The following GPHN variants were observed in gnomAD, a reference collection of about 807,000 sequenced individuals.
GPHN encodes gephyrin.
In GPHN, 17 loss-of-function variants were observed where a neutral mutation model predicts 95.5. That is an observed-to-expected ratio of 0.18 (90% CI 0.12 to 0.27). The LOEUF (loss-of-function observed/expected upper bound fraction) is 0.27. Ranked by LOEUF, GPHN falls within the 10% of genes least tolerant of loss-of-function variation. The pLI, the probability that GPHN is intolerant of heterozygous loss-of-function variation, is 1.00. For synonymous variants in GPHN, 320 were observed against 322.5 expected (o/e 0.99, Z 0.08); for missense variants, 660 against 978.1 (o/e 0.67, Z 4.34).
intron 5 of GPHN, among the ~76,000 whole-genome samples, chr14:66,904,298 C>G (rs1011263545): frequency 6.6e-6 from 1 of 152,048 alleles, no homozygotes; most frequent in Non-Finnish European, 1.5e-5. Flanking sequence ...GGTTGGCCAG[C>G]TTTTATTCCC....
At chr14:67,002,407 A>T (rs1030751636) in intron 9 of GPHN, among the ~76,000 whole-genome samples, 1 of 110,874 alleles carries the variant, frequency 9.0e-6, no homozygotes, top group Non-Finnish European at 1.8e-5. Context: ...ACATATTTTT[A>T]TTTTTTTTAA....
At chr14:67,395,089 C>T in the GPHN span, among the ~76,000 whole-genome samples, 88 of 152,206 alleles carry the variant, frequency 5.8e-4, no homozygotes, top group African/African-American at 1.5e-3. Flanking sequence ...CAGACTAAGA[C>T]GAGATTTTGG....
intron 18 of GPHN, among the ~76,000 whole-genome samples, chr14:67,155,506 C>T (rs576336274): frequency 6.6e-6 from 1 of 152,076 alleles, no homozygotes; most frequent in East Asian, 1.9e-4. Flanking sequence ...ACTTTAATAA[C>T]CATTATATGT....
At chr14:66,744,261 G>A (rs1364285657) in intron 2 of GPHN, among the ~76,000 whole-genome samples, 4 of 151,944 alleles carry the variant, frequency 2.6e-5, no homozygotes, top group South Asian at 2.1e-4. Context: ...TTTCCTCCTA[G>A]CCTCTTCCAA....
At chr14:66,508,915 G>C (rs1042530050) in intron 1 of GPHN, 5 of 384,710 alleles carry the variant, frequency 1.3e-5, no homozygotes, top group Non-Finnish European at 2.5e-5. Context: ...TGCAGGCGGC[G>C]GGATCCCGGC....
the GPHN span, chr14:67,303,572 C>G: frequency 6.2e-7 from 1 of 1,613,648 alleles, no homozygotes. Context: ...GTCAACAGAT[C>G]AAGCCGCCTC....
intron 1 of GPHN, among the ~76,000 whole-genome samples, chr14:66,558,396 A>AT (rs894710708): frequency 6.6e-6 from 1 of 152,120 alleles, no homozygotes; most frequent in Non-Finnish European, 1.5e-5. Flanking sequence ...AAGATCAAAA[A>AT]TTTTTTTATA....
At chr14:67,381,893 T>C in the GPHN span, among the ~76,000 whole-genome samples, 1 of 152,196 alleles carries the variant, frequency 6.6e-6, no homozygotes, top group Non-Finnish European at 1.5e-5. Context: ...ACTGTTACTA[T>C]CACAGTGGAT....
chr14:67,231,071 C>T, the GPHN span, among the ~76,000 whole-genome samples: 1 of 152,080 alleles, frequency 6.6e-6, no homozygotes, highest in Admixed American at 6.6e-5. Flanking sequence ...TCCAAGGTTT[C>T]AGGCATCACG....
intron 16 of GPHN, among the ~76,000 whole-genome samples, chr14:67,116,021 G>A (rs1008250813): frequency 6.6e-6 from 1 of 152,120 alleles, no homozygotes; most frequent in Admixed American, 6.5e-5. Flanking sequence ...ATTTAGATAT[G>A]CAACCTGTGG....
At chr14:66,709,353 A>G in intron 2 of GPHN, 1 of 456,034 alleles carries the variant, frequency 2.2e-6, no homozygotes, top group Non-Finnish European at 4.4e-6. Flanking sequence ...CCTTTTATCC[A>G]CAGGGGATAA....
At chr14:67,279,629 T>C in the GPHN span, 2 of 1,249,260 alleles carry the variant, frequency 1.6e-6, no homozygotes, top group Non-Finnish European at 2.2e-6. Context: ...TTTAAGAGAA[T>C]GTAAGTAATG....
the GPHN span, among the ~76,000 whole-genome samples, chr14:67,461,009 G>T: frequency 6.6e-6 from 1 of 152,090 alleles, no homozygotes; most frequent in Non-Finnish European, 1.5e-5. Context: ...GTGTAGAGAG[G>T]TTAAGTAATT....
At chr14:67,562,977 A>G in the GPHN span, 1 of 1,395,974 alleles carries the variant, frequency 7.2e-7, no homozygotes, top group Admixed American at 2.4e-5. Context: ...TGCACTGAGC[A>G]GGAGAGGAGG....
chr14:67,011,219 CTG>C (rs1446253487), intron 9 of GPHN, among the ~76,000 whole-genome samples: 1 of 151,914 alleles, frequency 6.6e-6, no homozygotes, highest in Middle Eastern at 3.2e-3. Flanking sequence ...TTTTAGGAAA[CTG>C]AACAATTGTG....
chr14:67,556,702 A>C, the GPHN span, among the ~76,000 whole-genome samples: 3 of 152,248 alleles, frequency 2.0e-5, no homozygotes, highest in African/African-American at 7.2e-5. Context: ...AGCCTGGGCA[A>C]TATAGCAAGA....
chr14:67,093,668 A>C (rs142912865), intron 12 of GPHN, among the ~76,000 whole-genome samples: 29 of 152,268 alleles, frequency 1.9e-4, no homozygotes, highest in African/African-American at 6.3e-4. Flanking sequence ...TTTCCCTGGA[A>C]GATAATGGTA....
chr14:67,575,721 C>T, the GPHN span: 23 of 879,530 alleles, frequency 2.6e-5, no homozygotes, highest in East Asian at 6.1e-4. Context: ...GTCATCGGTC[C>T]ATATCCACGA....
the GPHN span, among the ~76,000 whole-genome samples, chr14:67,441,207 C>T: frequency 6.6e-5 from 10 of 152,306 alleles, no homozygotes; most frequent in African/African-American, 2.4e-4. Context: ...GGTCCAAGTT[C>T]GTGCTTCTCT....
Sources: gnomAD v4.1 joint callset for allele counts (sites outside exome capture counted in the v4.1 genomes callset) on GRCh38, gnomAD v4.1.1 for gene constraint, MANE v1.5 for transcripts, NCBI Gene and HGNC (gene_info 2026-07-23, HGNC 2026-07-21) for gene names.